The following ERG variants were observed in gnomAD, a reference collection of about 807,000 sequenced individuals.
The protein encoded by ERG is transcriptional regulator ERG.
A neutral mutation model predicts 55.3 loss-of-function variants in ERG; 9 were observed. The observed-to-expected ratio is 0.16, with a 90% CI of 0.10 to 0.28. The LOEUF is 0.28. Among genes scored for constraint, ERG ranks in the 10% least tolerant of loss-of-function variants. The pLI, the probability that ERG is intolerant of heterozygous loss-of-function variation, is 1.00. For missense variants in ERG, 434 were observed against 631.6 expected (o/e 0.69, Z 3.35); for synonymous variants, 223 against 237.3 (o/e 0.94, Z 0.55).
chr21:38,405,287 G>C (rs186516348), intron 3 of ERG, among the ~76,000 whole-genome samples: 4 of 152,304 alleles, frequency 2.6e-5, no homozygotes, highest in African/African-American at 4.8e-5. Flanking sequence ...ATAATTTCAA[G>C]ATGTAGCCAA....
chr21:38,373,765 T>A, the ERG span, among the ~76,000 whole-genome samples: 1 of 152,236 alleles, frequency 6.6e-6, no homozygotes, highest in South Asian at 2.1e-4. Context: ...TAATTCCACA[T>A]CTACTATTGT....
At chr21:38,614,581 C>T (rs901191450) in intron 1 of ERG, among the ~76,000 whole-genome samples, 3 of 152,176 alleles carry the variant, frequency 2.0e-5, no homozygotes, top group Non-Finnish European at 2.9e-5. Flanking sequence ...TGAGCAGCCA[C>T]CCTGGGACCA....
intron 1 of ERG, among the ~76,000 whole-genome samples, chr21:38,625,630 G>C (rs984081393): frequency 2.0e-5 from 3 of 152,178 alleles, no homozygotes; most frequent in Admixed American, 6.5e-5. Context: ...CCTCAAACTT[G>C]AACGCAGAGC....
chr21:38,428,251 A>G (rs1989932677), intron 2 of ERG, among the ~76,000 whole-genome samples: 1 of 152,164 alleles, frequency 6.6e-6, no homozygotes, highest in African/African-American at 2.4e-5. Context: ...AAAAGTGTTC[A>G]TTTGAAAGTC....
At chr21:38,610,524 CGCGTGTGTGTGTGT>C (rs1229960073) in intron 1 of ERG, among the ~76,000 whole-genome samples, 1 of 117,226 alleles carries the variant, frequency 8.5e-6, no homozygotes, top group East Asian at 2.4e-4. Flanking sequence ...TGCGCGCACG[CGCGTGTGTGTGTGT>C]GTGTGTGTGT....
intron 2 of ERG, among the ~76,000 whole-genome samples, chr21:38,563,356 G>A (rs1407396095): frequency 1.3e-5 from 2 of 152,212 alleles, no homozygotes; most frequent in East Asian, 1.9e-4. Context: ...CCACCCATGT[G>A]GGAAAATGTT....
chr21:38,373,373 C>T, the ERG span, among the ~76,000 whole-genome samples: 203 of 152,254 alleles, frequency 1.3e-3, 1 homozygote, highest in Non-Finnish European at 2.4e-3. Context: ...ACTACTCTAC[C>T]TTGGGCTTGA....
intron 1 of ERG, chr21:38,449,034 C>G (rs535085883): frequency 7.5e-4 from 114 of 152,334 alleles, no homozygotes; most frequent in African/African-American, 2.4e-3. Context: ...GCCTGCCTAC[C>G]TGCCGGCCAA....
intron 1 of ERG, among the ~76,000 whole-genome samples, chr21:38,598,468 T>A (rs1366672039): frequency 1.3e-5 from 2 of 152,096 alleles, no homozygotes; most frequent in African/African-American, 4.8e-5. Flanking sequence ...GGGAATAATA[T>A]CATGAAAGAA....
chr21:38,608,687 A>G (rs1054681732), intron 1 of ERG, among the ~76,000 whole-genome samples: 3 of 152,064 alleles, frequency 2.0e-5, no homozygotes, highest in Non-Finnish European at 4.4e-5. Context: ...AATTGTCTGA[A>G]AGAAAAGTCA....
At chr21:38,377,070 T>C (rs988870736), downstream of ERG, among the ~76,000 whole-genome samples, 1 of 152,260 alleles carries the variant, frequency 6.6e-6, no homozygotes, top group African/African-American at 2.4e-5. Context: ...CTGAAAGCTG[T>C]AAGATTTTTC....
At chr21:38,385,977 A>G (rs1450661442) in intron 9 of ERG, among the ~76,000 whole-genome samples, 1 of 152,180 alleles carries the variant, frequency 6.6e-6, no homozygotes, top group African/African-American at 2.4e-5. Flanking sequence ...AAGCAACTCC[A>G]CAGACCTGCC....
intron 1 of ERG, among the ~76,000 whole-genome samples, chr21:38,447,141 C>T (rs900978807): frequency 6.1e-5 from 9 of 148,200 alleles, no homozygotes; most frequent in African/African-American, 2.3e-4. Context: ...CTCCACCTGT[C>T]CCAGGACCAA....
chr21:38,561,771 A>G (rs944184113), intron 2 of ERG, among the ~76,000 whole-genome samples: 1 of 152,184 alleles, frequency 6.6e-6, no homozygotes, highest in African/African-American at 2.4e-5. Flanking sequence ...GTTTTTCAAT[A>G]TTGATCTTAG....
intron 1 of ERG, among the ~76,000 whole-genome samples, chr21:38,495,289 A>C (rs2059370440): frequency 2.0e-5 from 3 of 152,342 alleles, no homozygotes; most frequent in Admixed American, 2.0e-4. Context: ...AAATTAATAA[A>C]ATTGAGTCCT....
chr21:38,504,005 T>C (rs1026544899), intron 2 of ERG, among the ~76,000 whole-genome samples: 2 of 152,180 alleles, frequency 1.3e-5, no homozygotes, highest in African/African-American at 4.8e-5. Flanking sequence ...TATGTGTGTA[T>C]GAGTGTGTGA....
chr21:38,397,747 C>A (rs1028216883), intron 6 of ERG, among the ~76,000 whole-genome samples: 2 of 151,966 alleles, frequency 1.3e-5, no homozygotes, highest in Admixed American at 6.6e-5. Flanking sequence ...TGCAGCAGGA[C>A]AACACACATG....
chr21:38,396,128 C>A (rs1189696022), intron 6 of ERG, among the ~76,000 whole-genome samples: 35 of 152,098 alleles, frequency 2.3e-4, no homozygotes, highest in Admixed American at 2.3e-3. Context: ...TTAGGAAGAG[C>A]AAGAGCTGCT....
upstream of ERG, among the ~76,000 whole-genome samples, chr21:38,501,069 T>TC (rs1173758446): frequency 5.0e-4 from 73 of 147,376 alleles, no homozygotes; most frequent in East Asian, 0.013. Flanking sequence ...ATCTTTTTTT[T>TC]TTTTTTTTTT....
Sources: allele counts gnomAD v4.1 joint callset (sites outside exome capture counted in the v4.1 genomes callset), GRCh38; gene constraint gnomAD v4.1.1; transcripts MANE v1.5; gene names NCBI Gene and HGNC (gene_info 2026-07-23, HGNC 2026-07-21).